The following C5 variants were observed in gnomAD, a reference collection of about 807,000 sequenced individuals.
C5 encodes C3 and PZP-like alpha-2-macroglobulin domain-containing protein 4.
Under a neutral mutation model 218.8 loss-of-function variants are expected in C5, and 140 were observed. The observed-to-expected ratio is 0.64, with a 90% CI of 0.56 to 0.74. The LOEUF (loss-of-function observed/expected upper bound fraction) is 0.74, where lower values mean the gene tolerates loss of function less well. C5 is among the 30% of genes least tolerant of loss of function. C5 has a pLI of 0.00. For synonymous variants in C5, 614 were observed against 682.3 expected (o/e 0.90, Z 1.56); for missense variants, 1,700 against 1,969.6 (o/e 0.86, Z 2.59).
At chr9:121,060,563 C>A in the C5 span, among the ~76,000 whole-genome samples, 1 of 152,076 alleles carries the variant, frequency 6.6e-6, no homozygotes, top group African/African-American at 2.4e-5. Context: ...GCTAAAGTCT[C>A]TGTTTTTTAC....
At chr9:121,034,774 T>C (rs769820561) in intron 5 of C5, 29 bp downstream of exon 5, 17 of 1,257,870 alleles carry the variant, frequency 1.4e-5, no homozygotes, top group Non-Finnish European at 1.7e-5. Context: ...GTTCCGTATG[T>C]GGTTTTATTA....
intron 29 of C5, 119 bp downstream of exon 29, chr9:120,976,580 GC>G (rs2046954604): frequency 1.2e-6 from 1 of 831,258 alleles, no homozygotes; most frequent in Non-Finnish European, 2.1e-6. Context: ...TCAATTCTAG[GC>G]ATTATTCATA....
At chr9:120,959,260 CTTTCTTTT>C (rs1462292118) in intron 38 of C5, among the ~76,000 whole-genome samples, 6 of 119,652 alleles carry the variant, frequency 5.0e-5, no homozygotes, top group African/African-American at 3.0e-4. Flanking sequence ...TTCTTTCTTT[CTTTCTTTT>C]TTTTTTTGAG....
chr9:121,054,210 C>A (rs550921738), upstream of C5, among the ~76,000 whole-genome samples: 2 of 152,228 alleles, frequency 1.3e-5, no homozygotes, highest in Non-Finnish European at 2.9e-5. Flanking sequence ...GACTCTGTGG[C>A]AATAAGATAC....
Position 120,962,893 on chromosome 9 carries a change from C to T in C5, c.4398G>A (p.Ser1466=), listed in dbSNP as rs780707722. Residue 1466 remains serine (S), a splice_region_variant and synonymous_variant, in exon 35 of 41, where the codon TCG becomes TCA. Transcript: ENST00000223642. ...KDGHVILQLN[S]IPSSDFLCVR... Reference sequence around the variant, plus strand: ...AAAAATGGTTGCAGGTGGAGCTTACCGAATTCAGTTGCAGAATAACATGTC... The same window carrying T: ...AAAAATGGTTGCAGGTGGAGCTTACTGAATTCAGTTGCAGAATAACATGTC... 3.8e-5 allele frequency: 62 copies of T among 1,613,548 alleles called. No individual in the cohort carries two copies. The highest frequency in any genetic ancestry group is 4.7e-5 in the Non-Finnish European group (56 of 1,179,650).
chr9:120,987,861 C>A (rs752280981), intron 25 of C5, among the ~76,000 whole-genome samples: 5 of 151,834 alleles, frequency 3.3e-5, no homozygotes, highest in Non-Finnish European at 7.4e-5. Flanking sequence ...AGCGCGATCT[C>A]GGCTCACTGT....
the C5 span, among the ~76,000 whole-genome samples, chr9:121,068,226 A>G: frequency 6.6e-6 from 1 of 152,236 alleles, no homozygotes; most frequent in Non-Finnish European, 1.5e-5. Context: ...TTCTATATGT[A>G]GAAAACCCCA....
In C5 at chr9:121,023,577, A is replaced by G. The variant is rs74617121; in HGVS notation, c.1001-58T>C. On this transcript the variant is annotated intron_variant, in intron 9 of 40. Coordinates refer to ENST00000223642, the MANE Select transcript of C5 (RefSeq NM_001735.3). ...TTTAGGAGTATCATGATCTGTATGG[A>G]TATCCATTTCATCTCTATATGTCTC... 53 of 936,748 alleles carry G rather than the reference A, an allele frequency of 5.7e-5. No homozygotes were observed. In the African/African-American group the frequency reaches 8.4e-4, roughly 15 times the overall value. The allele number at this position is 936,748 out of a possible 1,614,324, so 58.0% of individuals were successfully genotyped here. A position where few individuals can be genotyped will look rare whatever the true frequency, so the allele number is the denominator to read the frequency against.
intron 16 of C5, 21 bp from the exon 17 acceptor site, chr9:121,014,091 G>T: frequency 6.2e-7 from 1 of 1,603,354 alleles, no homozygotes. Flanking sequence ...AATAATGCAA[G>T]TGCTCTTGAT....
intron 5 of C5, among the ~76,000 whole-genome samples, chr9:121,032,525 A>C (rs2047485145): frequency 6.6e-6 from 1 of 152,224 alleles, no homozygotes; most frequent in African/African-American, 2.4e-5. Flanking sequence ...ATGCTAACAT[A>C]ATACTAAAAT....
intron 19 of C5, among the ~76,000 whole-genome samples, chr9:121,006,679 T>G (rs1304278328): frequency 6.6e-6 from 1 of 151,626 alleles, no homozygotes; most frequent in Non-Finnish European, 1.5e-5. Context: ...CCCTTCTTCA[T>G]TTACAAAAAA....
intron 23 of C5, among the ~76,000 whole-genome samples, chr9:120,990,627 A>C (rs1397381592): frequency 6.6e-6 from 1 of 152,182 alleles, no homozygotes; most frequent in African/African-American, 2.4e-5. Context: ...GGATACAGCA[A>C]CATATATCCT....
At chr9:121,030,053 G>T (rs2131795401) in intron 7 of C5, among the ~76,000 whole-genome samples, 1 of 152,104 alleles carries the variant, frequency 6.6e-6, no homozygotes, top group East Asian at 1.9e-4. Context: ...CGCAGCATTA[G>T]CTGGCTGATT....
the C5 span, among the ~76,000 whole-genome samples, chr9:121,066,308 T>A: frequency 5.6e-5 from 3 of 53,822 alleles, no homozygotes; most frequent in Non-Finnish European, 6.7e-5. Flanking sequence ...CGAGACTCCA[T>A]CTTAAAAAAA....
intron 20 of C5, among the ~76,000 whole-genome samples, chr9:121,002,132 ATATATATGTATG>A (rs1388846146): frequency 2.7e-5 from 4 of 148,768 alleles, no homozygotes; most frequent in Non-Finnish European, 5.9e-5. Flanking sequence ...GTGTATATAT[ATATATATGTATG>A]TATATATGTA....
At chr9:121,044,919 A>G (rs2047613274) in intron 2 of C5, among the ~76,000 whole-genome samples, 2 of 152,030 alleles carry the variant, frequency 1.3e-5, no homozygotes, top group South Asian at 4.2e-4. Context: ...TGTATCAGAT[A>G]AAAGAGTGTC....
chr9:120,969,791 G>C (rs2046896990), intron 32 of C5, among the ~76,000 whole-genome samples: 1 of 152,182 alleles, frequency 6.6e-6, no homozygotes, highest in Admixed American at 6.5e-5. Context: ...AAACTAACAG[G>C]GTGATAAGAG....
Position 120,996,314 on chromosome 9 carries a change from A to G in C5, c.2791-14T>C, listed in dbSNP as rs2131721993. On this transcript the variant is annotated splice_polypyrimidine_tract_variant and intron_variant, in intron 21 of 40. Transcript: ENST00000223642. ...GACACCTTCTGGCTAAAATAAAGGC[A>G]GAAAACATTCAGTTAAAAACATAAG... is the stretch of plus-strand genomic sequence containing the variant. The G allele has an allele frequency of 1.9e-6, 3 of 1,608,216 alleles. No individual in the cohort carries two copies. Among genetic ancestry groups the G allele is most frequent in the Non-Finnish European group, 2.6e-6 (3 of 1,174,648 alleles).
rs2046750783 is a variant in C5, at chr9:120,952,404, T to A, written c.*335A>T. The A allele has an allele frequency of 1.3e-5, 4 of 308,320 alleles. No individual in the cohort carries two copies. The highest frequency in any genetic ancestry group is 2.2e-5 in the African/African-American group (1 of 46,036). The allele number at this position is 308,320 out of a possible 1,614,324, so 19.1% of individuals were successfully genotyped here. ...GGTATTTTCTTTCAAGCAAAGGCCA[T>A]GTTTTTGTAATACTCCCTTTCAATG... On this transcript the variant is annotated 3_prime_UTR_variant, in exon 41 of 41. Transcript: ENST00000223642.
Sources: allele counts gnomAD v4.1 joint callset (sites outside exome capture counted in the v4.1 genomes callset), GRCh38; gene constraint gnomAD v4.1.1; transcripts MANE v1.5; gene names NCBI Gene and HGNC (gene_info 2026-07-23, HGNC 2026-07-21).